The following PPFIA2 variants were observed in gnomAD, a reference collection of about 807,000 sequenced individuals.
PPFIA2 encodes liprin-alpha-2.
In PPFIA2, 46 loss-of-function variants were observed where a neutral mutation model predicts 175.5. The ratio of observed to expected loss-of-function variants is 0.26; its 90% CI spans 0.21 to 0.34. The LOEUF (loss-of-function observed/expected upper bound fraction) is 0.34. Ranked by LOEUF, PPFIA2 falls within the 10% of genes least tolerant of loss-of-function variation. PPFIA2 has a pLI of 1.00. For missense variants in PPFIA2, 1,179 were observed against 1,506.1 expected (o/e 0.78, Z 3.60); for synonymous variants, 568 against 511.4 (o/e 1.11, Z -1.49).
At chr12:81,582,841 A>T (rs2074617807) in intron 4 of PPFIA2, among the ~76,000 whole-genome samples, 1 of 151,876 alleles carries the variant, frequency 6.6e-6, no homozygotes, top group South Asian at 2.1e-4. Flanking sequence ...TGAATAAAAT[A>T]CATTTTCTTG....
chr12:81,637,236 A>AT lies in PPFIA2; in HGVS notation c.303+39554dup, dbSNP rs71098156. Among the ~76,000 whole-genome samples, 14 of 65,922 alleles carry AT rather than the reference A, an allele frequency of 2.1e-4. 1 individual carries two copies. The highest frequency in any genetic ancestry group is 2.9e-4 in the Non-Finnish European group (11 of 37,998). The allele number at this position is 65,922 out of a possible 152,430, so 43.2% of individuals were successfully genotyped here. A position where few individuals can be genotyped will look rare whatever the true frequency, so the allele number is the denominator to read the frequency against. ...AGGCATGCGCTACCACGCCAGGCTA[A>AT]TTTTTTTTTTTTTTTTTTTTTTTTT... On this transcript the variant is annotated intron_variant, in intron 4 of 32. Coordinates refer to ENST00000549396, the MANE Select transcript of PPFIA2 (RefSeq NM_003625.5).
intron 8 of PPFIA2, among the ~76,000 whole-genome samples, chr12:81,392,959 G>A (rs1248161825): frequency 6.6e-6 from 1 of 151,916 alleles, no homozygotes; most frequent in Non-Finnish European, 1.5e-5. Context: ...GTGACCCACT[G>A]TCATGACCTC....
intron 7 of PPFIA2, among the ~76,000 whole-genome samples, chr12:81,425,716 ACT>A (rs150460899): frequency 5.4e-5 from 8 of 148,720 alleles, no homozygotes; most frequent in Admixed American, 6.7e-5. Flanking sequence ...CTTTTAAAAG[ACT>A]CTCTCTCTCT....
chr12:81,353,099 T>A lies in PPFIA2; in HGVS notation c.1994+20A>T, dbSNP rs187615053. 181 of 1,599,946 alleles carry A rather than the reference T, an allele frequency of 1.1e-4. 1 individual carries two copies. In the African/African-American group the frequency reaches 2.2e-3, roughly 19 times the overall value. On this transcript the variant is annotated intron_variant, in intron 17 of 32. Coordinates refer to ENST00000549396, the MANE Select transcript of PPFIA2 (RefSeq NM_003625.5). The stretch of plus-strand genomic sequence containing the variant: ...AAGGTCTTCTAATTTCTTGAAATCA[T>A]CAGTACTAATTGAAGTTACCTGATT...
At chr12:81,470,153 C>T (rs1410162136) in intron 4 of PPFIA2, among the ~76,000 whole-genome samples, 10 of 152,074 alleles carry the variant, frequency 6.6e-5, no homozygotes, top group Admixed American at 6.6e-4. Context: ...AAAGACAATC[C>T]ACAGAATGAG....
chr12:81,748,003 C>T (rs2083276714), intron 3 of PPFIA2, among the ~76,000 whole-genome samples: 1 of 143,800 alleles, frequency 7.0e-6, no homozygotes, highest in African/African-American at 2.4e-5. Context: ...ATTATTTACT[C>T]TTTTCAATTA....
chr12:81,456,247 G>T (rs937930871), intron 5 of PPFIA2, among the ~76,000 whole-genome samples: 2 of 152,140 alleles, frequency 1.3e-5, no homozygotes, highest in Non-Finnish European at 2.9e-5. Context: ...GAAATATATA[G>T]AGAGGAAGAC....
chr12:81,283,786 C>A (rs1336353396), intron 25 of PPFIA2, among the ~76,000 whole-genome samples: 1 of 151,902 alleles, frequency 6.6e-6, no homozygotes, highest in African/African-American at 2.4e-5. Flanking sequence ...TAACATAACA[C>A]TTTTTTGGTT....
At chr12:81,686,769 A>G (rs548336050) in intron 3 of PPFIA2, among the ~76,000 whole-genome samples, 1 of 152,062 alleles carries the variant, frequency 6.6e-6, no homozygotes, top group South Asian at 2.1e-4. Context: ...GCATATTCCA[A>G]TCCAGTCTAG....
rs144995188 is a variant in PPFIA2, at chr12:81,399,890, T to C, written c.762+5897A>G. Among the ~76,000 whole-genome samples the C allele has an allele frequency of 2.0e-3, 310 of 152,272 alleles. 1 individual carries two copies. Among genetic ancestry groups the C allele is most frequent in the African/African-American group, 7.2e-3 (299 of 41,562 alleles). ...TTTGTAAATAAGCCCAATTATATTT[T>C]TGAGAGAGGGAATCAATAATGCATA... On this transcript the variant is annotated intron_variant, in intron 8 of 32. Coordinates refer to ENST00000549396, the MANE Select transcript of PPFIA2 (RefSeq NM_003625.5).
chr12:81,268,142 T>TTTTTTG (rs2037924384), intron 28 of PPFIA2, 55 bp from the exon 29 acceptor site: 1 of 971,800 alleles, frequency 1.0e-6, no homozygotes, highest in African/African-American at 1.9e-5. Flanking sequence ...CTTTTTTTTT[T>TTTTTTG]TTTTTTTTTT....
intron 8 of PPFIA2, among the ~76,000 whole-genome samples, chr12:81,397,642 T>A (rs1353330101): frequency 6.6e-6 from 1 of 152,050 alleles, no homozygotes; most frequent in African/African-American, 2.4e-5. Flanking sequence ...GATAATTTTT[T>A]TTAAGTTAGG....
intron 16 of PPFIA2, among the ~76,000 whole-genome samples, chr12:81,355,184 T>C (rs1297725179): frequency 6.6e-6 from 1 of 152,124 alleles, no homozygotes; most frequent in African/African-American, 2.4e-5. Flanking sequence ...AAAAAAACAA[T>C]CTCTTTGAGC....
chr12:81,416,592 C>G (rs1017484355), intron 7 of PPFIA2, among the ~76,000 whole-genome samples: 3 of 151,606 alleles, frequency 2.0e-5, no homozygotes, highest in African/African-American at 7.2e-5. Context: ...ACAGTGAAAA[C>G]AGCAAACAGA....
intron 4 of PPFIA2, among the ~76,000 whole-genome samples, chr12:81,523,322 T>C (rs1321340484): frequency 6.6e-6 from 1 of 152,188 alleles, no homozygotes; most frequent in Non-Finnish European, 1.5e-5. Context: ...AACTACATCT[T>C]CCTTAGAATT....
At chr12:81,268,404 C>T (rs575329842) in intron 28 of PPFIA2, among the ~76,000 whole-genome samples, 1 of 152,114 alleles carries the variant, frequency 6.6e-6, no homozygotes, top group African/African-American at 2.4e-5. Context: ...TCCCAAAGTG[C>T]TGGGATTACA....
At chr12:81,694,092 T>C (rs1478740640) in intron 3 of PPFIA2, among the ~76,000 whole-genome samples, 2 of 152,156 alleles carry the variant, frequency 1.3e-5, no homozygotes, top group Non-Finnish European at 2.9e-5. Flanking sequence ...GCATAAAGTT[T>C]GGAAAATCCA....
At chr12:81,594,459 C>A (rs2059026517) in intron 4 of PPFIA2, among the ~76,000 whole-genome samples, 1 of 152,064 alleles carries the variant, frequency 6.6e-6, no homozygotes, top group South Asian at 2.1e-4. Context: ...GATAAAATGC[C>A]TTCTATCAGA....
chr12:81,706,694 C>G (rs1448159856), intron 3 of PPFIA2, among the ~76,000 whole-genome samples: 1 of 152,072 alleles, frequency 6.6e-6, no homozygotes, highest in Non-Finnish European at 1.5e-5. Context: ...CAGGGACCCA[C>G]TTGAAGAGGC....
Sources: allele counts gnomAD v4.1 joint callset (sites outside exome capture counted in the v4.1 genomes callset), GRCh38; gene constraint gnomAD v4.1.1; transcripts MANE v1.5; gene names NCBI Gene and HGNC (gene_info 2026-07-23, HGNC 2026-07-21).